Variants in CCKAR observed in about 807,000 individuals in gnomAD.
The protein encoded by CCKAR is cholecystokinin receptor type A.
CCKAR carries 21 observed loss-of-function variants against 29.8 expected under a neutral mutation model. The ratio of observed to expected loss-of-function variants is 0.70; its 90% CI spans 0.50 to 1.01. The LOEUF (loss-of-function observed/expected upper bound fraction) is 1.01, where lower values mean the gene tolerates loss of function less well. CCKAR is among the 50% of genes least tolerant of loss of function. CCKAR has a pLI of 0.00. For synonymous variants in CCKAR, 238 were observed against 221.3 expected, an observed-to-expected ratio of 1.08 and a Z score of -0.67; for missense variants, 570 against 560.6, an observed-to-expected ratio of 1.02 and a Z score of -0.17.
At chr4:26,487,940 A>T in intron 2 of CCKAR, among the ~76,000 whole-genome samples, 1 of 144,630 alleles carries the variant, frequency 6.9e-6, no homozygotes, top group Non-Finnish European at 1.5e-5. Flanking sequence ...TTTTCAGAGG[A>T]CTTGGACATG....
At position 26,482,094 on chromosome 4, in the gene CCKAR, C is replaced by CG. The variant is rs1737362237; in HGVS notation, c.830dup (p.Arg278GlufsTer22). Reference sequence around the variant, plus strand: ...ACAGCTGCCGGAGCTCCAGCTTCCTCGGGGGCCTGGTCTTTTGCAGGTAAC... The same window carrying CG: ...ACAGCTGCCGGAGCTCCAGCTTCCTCGGGGGGCCTGGTCTTTTGCAGGTAAC... On this transcript the variant is annotated frameshift_variant, in exon 5 of 5. Transcript: ENST00000295589. LOFTEE classifies it high-confidence loss of function. The CG allele has an allele frequency of 1.2e-6, 2 of 1,614,194 alleles. No individual in the cohort carries two copies. The highest frequency in any genetic ancestry group is 1.7e-6 in the Non-Finnish European group (2 of 1,180,040).
In CCKAR at chr4:26,490,215, C is replaced by G. The variant is rs1419138201; in HGVS notation, c.53G>C (p.Cys18Ser). ...CGTCTCATTTTCGAGCCCGAGTTCA[C>G]AGGGAGGAGTGATGTTGCTTCCATT... Reference protein sequence around the residue: ...LVNGSNITPPCELGLENETLF... With the variant: ...LVNGSNITPPSELGLENETLF... Residue 18 changes from cysteine (C) to serine (S), a missense_variant, in exon 1 of 5, where the codon TGT becomes TCT. Cys to Ser is a moderately radical substitution (Grantham distance 112, BLOSUM62 -1). Transcript: ENST00000295589. 6.2e-7 allele frequency: 1 copy of G among 1,613,810 alleles called. No individual in the cohort carries two copies. Among genetic ancestry groups the G allele is most frequent in the Admixed American group, 1.7e-5 (1 of 59,994 alleles).
rs549621504 is a variant in CCKAR at position 26,481,959 on chromosome 4, G to T, written c.966C>A (p.Phe322Leu). Residue 322 changes from phenylalanine (F) to leucine (L), a missense_variant, in exon 5 of 5, where the codon TTC (phenylalanine) becomes TTA (leucine). Coordinates refer to ENST00000295589, the MANE Select transcript of CCKAR (RefSeq NM_000730.3). ...IRMLIVIVVL[F>L]FLCWMPIFSA... ...TGAAGATGGGCATCCAGCACAGGAA[G>T]AAGAGGACCACGATGACGATGAGCA... 2 of 1,614,260 alleles carry T rather than the reference G, an allele frequency of 1.2e-6. No homozygotes were observed. The highest frequency in any genetic ancestry group is 1.3e-5 in the African/African-American group (1 of 75,068).
At position 26,481,577 on chromosome 4, in the gene CCKAR, C is replaced by G. The variant is rs995511028; in HGVS notation, c.*61G>C. The G allele has an allele frequency of 6.4e-7, 1 of 1,563,114 alleles. No homozygotes were observed. Among genetic ancestry groups the G allele is most frequent in the African/African-American group, 1.4e-5 (1 of 73,860 alleles). ...CTCCTTCTCTTCCTGATCTCTTCTTCCGTTCTTTCTTCTCTGCCTCCTCCC... is the reference window on the plus strand; with the variant it reads ...CTCCTTCTCTTCCTGATCTCTTCTTGCGTTCTTTCTTCTCTGCCTCCTCCC... On this transcript the variant is annotated 3_prime_UTR_variant, in exon 5 of 5. Coordinates refer to ENST00000295589, the MANE Select transcript of CCKAR (RefSeq NM_000730.3).
At position 26,484,891 on chromosome 4, in the gene CCKAR, A is replaced by C. The variant is rs867171561; in HGVS notation, c.626+746T>G. Reference sequence around the variant, plus strand: ...ACCCAATCTCTATTTTAAAGTAAAGATTTTATTAAATAAAAGAAGGCCGGG... The same window carrying C: ...ACCCAATCTCTATTTTAAAGTAAAGCTTTTATTAAATAAAAGAAGGCCGGG... On this transcript the variant is annotated intron_variant, in intron 3 of 4. Coordinates refer to ENST00000295589, the MANE Select transcript of CCKAR (RefSeq NM_000730.3). Among the ~76,000 whole-genome samples the C allele has an allele frequency of 1.7e-5, 2 of 116,720 alleles. 1 individual carries two copies. The highest frequency in any genetic ancestry group is 8.4e-3 in the Middle Eastern group (2 of 238). The allele number at this position is 116,720 out of a possible 152,430, so 76.6% of individuals were successfully genotyped here.
In CCKAR at chr4:26,489,254, T is replaced by A; in HGVS notation, c.343A>T (p.Lys115Ter). ...KDFIFGSAVC[K>*]TTTYFMGTSV... ...TTACCCATGAAGTAGGTGGTGGTCT[T>A]GCAAACGGCGCTCCCGAAGATGAAA... The change falls in exon 2 of 5, where the codon AAG becomes TAG. Residue 115 changes from lysine (K) to a stop codon, truncating the protein, a stop_gained. Coordinates refer to ENST00000295589, the MANE Select transcript of CCKAR (RefSeq NM_000730.3). LOFTEE classifies it high-confidence loss of function. The A allele has an allele frequency of 6.2e-7, 1 of 1,614,062 alleles. No homozygotes were observed. The highest frequency in any genetic ancestry group is 1.1e-5 in the South Asian group (1 of 91,074).
rs200965247 is a variant in CCKAR at position 26,489,402 on chromosome 4, C to A, written c.195G>T (p.Val65=). 3.1e-6 allele frequency: 5 copies of A among 1,614,036 alleles called. No individual in the cohort carries two copies. In the African/African-American group the frequency reaches 6.7e-5, roughly 22 times the overall value. ...TCCGCATCCGCTTGTTCCGAATCAG[C>A]ACGGTGATGACCAGCGTGTTTCCCA... ...SVLGNTLVIT[V]LIRNKRMRTV... The change falls in exon 2 of 5, where the codon GTG becomes GTT. Residue 65 remains valine (V), a synonymous_variant. Transcript: ENST00000295589.
chr4:26,487,665 T>C (rs1161917359), intron 2 of CCKAR, among the ~76,000 whole-genome samples: 1 of 152,208 alleles, frequency 6.6e-6, no homozygotes, highest in Non-Finnish European at 1.5e-5. Flanking sequence ...TTTTGCCCAA[T>C]AAAATATTTT....
intron 2 of CCKAR, 50 bp downstream of exon 2, chr4:26,489,183 T>A: frequency 1.9e-6 from 3 of 1,609,354 alleles, no homozygotes; most frequent in Non-Finnish European, 2.5e-6. Flanking sequence ...GGTCTGGGGC[T>A]GAGTGGGGTC....
At chr4:26,485,028 A>C (rs1037767941) in intron 3 of CCKAR, among the ~76,000 whole-genome samples, 4 of 151,610 alleles carry the variant, frequency 2.6e-5, no homozygotes, top group African/African-American at 9.7e-5. Flanking sequence ...CCCACCTCTA[A>C]TAAAAATGCA....
Position 26,490,311 on chromosome 4 carries a change from T to C in CCKAR, c.-44A>G, listed in dbSNP as rs1310476081. 7.7e-7 allele frequency: 1 copy of C among 1,295,236 alleles called. No homozygotes were observed. The highest frequency in any genetic ancestry group is 1.5e-5 in the African/African-American group (1 of 68,892). 80.2% of individuals were successfully genotyped at this position (1,295,236 alleles called of 1,614,324 possible). ...ACCAAGTGCTGGAGAGCTGGTGAAT[T>C]GCTCACTCCCGGCTCATTCCTCTAA... On this transcript the variant is annotated 5_prime_UTR_variant, in exon 1 of 5. Coordinates refer to ENST00000295589, the MANE Select transcript of CCKAR (RefSeq NM_000730.3).
chr4:26,481,994 C>T lies in CCKAR; in HGVS notation c.931G>A (p.Val311Met). 6.2e-7 allele frequency: 1 copy of T among 1,614,252 alleles called. No individual in the cohort carries two copies. The highest frequency in any genetic ancestry group is 8.5e-7 in the Non-Finnish European group (1 of 1,180,050). Residue 311 changes from valine (V) to methionine (M), a missense_variant, in exon 5 of 5, where the codon GTG (valine) becomes ATG (methionine). Coordinates refer to ENST00000295589, the MANE Select transcript of CCKAR (RefSeq NM_000730.3). ...ACGATGACGATGAGCATGCGGATCA[C>T]CCTTTTCTTGGCCATCAGGTTGGCT... The part of the protein sequence containing the change: ...SAANLMAKKR[V>M]IRMLIVIVVL...
chr4:26,489,499 A>C lies in CCKAR; in HGVS notation c.113-15T>G. The C allele has an allele frequency of 6.2e-7, 1 of 1,612,396 alleles. No individual in the cohort carries two copies. The highest frequency in any genetic ancestry group is 8.5e-7 in the Non-Finnish European group (1 of 1,178,640). On this transcript the variant is annotated splice_polypyrimidine_tract_variant and intron_variant, in intron 1 of 4. Transcript: ENST00000295589. ...TGGCTGCCACTCTGCAGAGAGAAAC[A>C]GGAGCAAGACGGAGGGATGGAGGTG...
In CCKAR at chr4:26,481,993, A is replaced by T. The variant is rs535374238; in HGVS notation, c.932T>A (p.Val311Glu). 7.8e-5 allele frequency: 126 copies of T among 1,614,212 alleles called. No homozygotes were observed. In the South Asian group the frequency reaches 1.3e-3, roughly 17 times the overall value. ...SAANLMAKKR[V>E]IRMLIVIVVL... The stretch of plus-strand genomic sequence containing the variant: ...CACGATGACGATGAGCATGCGGATC[A>T]CCCTTTTCTTGGCCATCAGGTTGGC... The change falls in exon 5 of 5, where the codon GTG (valine) becomes GAG (glutamate). Residue 311 changes from valine (V) to glutamate (E), a missense_variant. Coordinates refer to ENST00000295589, the MANE Select transcript of CCKAR (RefSeq NM_000730.3).
Position 26,481,435 on chromosome 4 carries a change from G to A in CCKAR, c.*203C>T. ...TACTTAACATATCCTGCTTTGAACTGCCTAGAAACCAATCATGGCCCCACT... is the reference window on the plus strand; with the variant it reads ...TACTTAACATATCCTGCTTTGAACTACCTAGAAACCAATCATGGCCCCACT... On this transcript the variant is annotated 3_prime_UTR_variant, in exon 5 of 5. Coordinates refer to ENST00000295589, the MANE Select transcript of CCKAR (RefSeq NM_000730.3). 1.6e-6 allele frequency: 1 copy of A among 627,222 alleles called. No individual in the cohort carries two copies. Among genetic ancestry groups the A allele is most frequent in the East Asian group, 2.7e-5 (1 of 36,554 alleles). The allele number at this position is 627,222 out of a possible 1,614,324, so 38.9% of individuals were successfully genotyped here.
At chr4:26,482,406 G>C (rs541452064) in intron 4 of CCKAR, among the ~76,000 whole-genome samples, 1 of 152,104 alleles carries the variant, frequency 6.6e-6, no homozygotes, top group Non-Finnish European at 1.5e-5. Flanking sequence ...ATGGATGTAG[G>C]TTACAAGAAA....
rs1311980678 is a variant in CCKAR at position 26,481,785 on chromosome 4, G to A, written c.1140C>T (p.Gly380=). 1.2e-6 allele frequency: 2 copies of A among 1,614,092 alleles called. No individual in the cohort carries two copies. The highest frequency in any genetic ancestry group is 1.7e-6 in the Non-Finnish European group (2 of 1,179,980). The change falls in exon 5 of 5, where the codon GGC becomes GGT. Residue 380 remains glycine, a synonymous_variant. Coordinates refer to ENST00000295589, the MANE Select transcript of CCKAR (RefSeq NM_000730.3). The part of the protein sequence containing the change: ...YCFMNKRFRL[G]FMATFPCCPN... The stretch of plus-strand genomic sequence containing the variant: ...GGCAGCAGGGGAAGGTGGCCATGAA[G>A]CCGAGGCGGAAGCGTTTGTTCATGA...
At chr4:26,484,672 T>A (rs1177041770) in intron 3 of CCKAR, among the ~76,000 whole-genome samples, 1 of 152,096 alleles carries the variant, frequency 6.6e-6, no homozygotes, top group Non-Finnish European at 1.5e-5. Context: ...ATGCTCTGGG[T>A]AAGTACCGGA....
In CCKAR at chr4:26,481,970, C is replaced by A; in HGVS notation, c.955G>T (p.Val319Leu). The A allele has an allele frequency of 1.2e-6, 2 of 1,614,248 alleles. No individual in the cohort carries two copies. The highest frequency in any genetic ancestry group is 1.7e-6 in the Non-Finnish European group (2 of 1,180,048). ...KRVIRMLIVI[V>L]VLFFLCWMPI... is the part of the protein sequence containing the mutation. ...ATCCAGCACAGGAAGAAGAGGACCA[C>A]GATGACGATGAGCATGCGGATCACC... Residue 319 changes from valine (V) to leucine (L), a missense_variant, in exon 5 of 5, where the codon GTG (valine) becomes TTG (leucine). Physicochemically the swap from Val to Leu is conservative, Grantham distance 32. Transcript: ENST00000295589.
Sources: gnomAD v4.1 joint callset for allele counts (sites outside exome capture counted in the v4.1 genomes callset) on GRCh38, gnomAD v4.1.1 for gene constraint, MANE v1.5 for transcripts, NCBI Gene and HGNC (gene_info 2026-07-23, HGNC 2026-07-21) for gene names.